The following TEKTIP1 variants were observed in gnomAD, a reference collection of about 807,000 sequenced individuals.
TEKTIP1 encodes tektin bundle interacting protein 1.
the TEKTIP1 span, chr19:3,543,271 A>G: frequency 1.3e-6 from 2 of 1,547,406 alleles, no homozygotes; most frequent in Non-Finnish European, 1.7e-6. Context: ...CCCGCTGGCC[A>G]CCAGCCATCA....
the TEKTIP1 span, chr19:3,539,259 A>G: frequency 6.5e-7 from 1 of 1,544,700 alleles, no homozygotes; most frequent in Non-Finnish European, 8.8e-7. Flanking sequence ...ACCGCTGTAC[A>G]GGTGAGCCCC....
At chr19:3,543,046 G>T in the TEKTIP1 span, 2 of 1,605,020 alleles carry the variant, frequency 1.2e-6, no homozygotes, top group Non-Finnish European at 1.7e-6. Context: ...GGGGGAGTCA[G>T]CCTCTCTCCT....
the TEKTIP1 span, chr19:3,543,187 C>A: frequency 6.5e-7 from 1 of 1,527,668 alleles, no homozygotes; most frequent in Middle Eastern, 1.9e-4. Flanking sequence ...GGGGTCAAAG[C>A]ACTCGCTGTA....
At chr19:3,543,815 A>C in the TEKTIP1 span, 1 of 1,509,926 alleles carries the variant, frequency 6.6e-7, no homozygotes, top group Non-Finnish European at 8.9e-7. Context: ...TGGTGACCCG[A>C]GTCCCACCTA....
At chr19:3,543,656 A>G in the TEKTIP1 span, 4 of 1,542,376 alleles carry the variant, frequency 2.6e-6, no homozygotes, top group Non-Finnish European at 3.5e-6. Context: ...GTGGAAAGAC[A>G]GGCCAATCCG....
the TEKTIP1 span, chr19:3,543,618 CCCCCAGCACCCGGT>C: frequency 1.3e-6 from 2 of 1,544,138 alleles, no homozygotes; most frequent in African/African-American, 2.7e-5. Flanking sequence ...CAGTACCAGG[CCCCCAGCACCCGGT>C]GGGGGAGCGC....
the TEKTIP1 span, chr19:3,541,634 C>G: frequency 4.1e-6 from 4 of 984,870 alleles, no homozygotes; most frequent in South Asian, 1.9e-4. Flanking sequence ...GACCCTATTT[C>G]TATTTTTTAA....
chr19:3,542,874 G>A, the TEKTIP1 span: 3 of 1,393,976 alleles, frequency 2.2e-6, no homozygotes, highest in Non-Finnish European at 2.9e-6. Context: ...GGGCTTCCCA[G>A]AGGAAGGGAC....
the TEKTIP1 span, chr19:3,543,899 A>C: frequency 1.9e-6 from 3 of 1,550,740 alleles, no homozygotes; most frequent in East Asian, 7.3e-5. Context: ...CCCTGTCGGC[A>C]CCCCAGCGCC....
chr19:3,541,741 T>A, the TEKTIP1 span: 1 of 985,176 alleles, frequency 1.0e-6, no homozygotes, highest in African/African-American at 1.7e-5. Flanking sequence ...CAGAAAGTAG[T>A]GAGTGGCAGG....
chr19:3,543,919 C>G, the TEKTIP1 span: 1 of 1,551,238 alleles, frequency 6.4e-7, no homozygotes, highest in South Asian at 1.2e-5. Flanking sequence ...CCGCCCGGCA[C>G]CACCCAGAAC....
the TEKTIP1 span, among the ~76,000 whole-genome samples, chr19:3,541,041 C>T: frequency 2.4e-5 from 3 of 125,444 alleles, no homozygotes; most frequent in South Asian, 2.7e-4. Context: ...TGGTGGCGGG[C>T]GCCTGCAATC....
chr19:3,542,851 C>T, the TEKTIP1 span: 1 of 1,381,532 alleles, frequency 7.2e-7, no homozygotes, highest in South Asian at 1.1e-5. Flanking sequence ...CCTGGTGCAC[C>T]TCCAGGCCAG....
the TEKTIP1 span, chr19:3,543,556 C>G: frequency 5.2e-6 from 8 of 1,538,222 alleles, no homozygotes; most frequent in Non-Finnish European, 7.0e-6. Context: ...CCACCGCAGC[C>G]TACACCCAGC....
chr19:3,540,528 T>G, the TEKTIP1 span, among the ~76,000 whole-genome samples: 3 of 151,098 alleles, frequency 2.0e-5, no homozygotes, highest in East Asian at 2.0e-4. Flanking sequence ...AGTGCTGGGA[T>G]TACAGGCGTG....
At chr19:3,542,769 C>T in the TEKTIP1 span, 1 of 1,361,574 alleles carries the variant, frequency 7.3e-7, no homozygotes, top group Non-Finnish European at 9.8e-7. Flanking sequence ...AAGCGTGAGC[C>T]ACACACCTGG....
chr19:3,543,662 A>C, the TEKTIP1 span: 1 of 1,541,072 alleles, frequency 6.5e-7, no homozygotes, highest in South Asian at 1.2e-5. Flanking sequence ...AGACAGGCCA[A>C]TCCGGGGCAA....
the TEKTIP1 span, chr19:3,539,263 G>A: frequency 7.1e-6 from 11 of 1,543,552 alleles, no homozygotes; most frequent in African/African-American, 1.4e-5. Flanking sequence ...CTGTACAGGT[G>A]AGCCCCTCCC....
the TEKTIP1 span, chr19:3,541,982 G>A: frequency 1.2e-5 from 5 of 413,634 alleles, no homozygotes; most frequent in Non-Finnish European, 1.6e-5. Context: ...ACTAATTTTT[G>A]TATTTTTAGT....
Sources: gnomAD v4.1 joint callset for allele counts (sites outside exome capture counted in the v4.1 genomes callset) on GRCh38, gnomAD v4.1.1 for gene constraint, MANE v1.5 for transcripts, NCBI Gene and HGNC (gene_info 2026-07-23, HGNC 2026-07-21) for gene names.